Variants in PRND observed in about 807,000 individuals in gnomAD.
PRND encodes the protein prion like protein doppel.
For synonymous variants in PRND, 94 were observed against 93.2 expected, an observed-to-expected ratio of 1.01 and a Z score of -0.05; for missense variants, 227 against 223.3, an observed-to-expected ratio of 1.02 and a Z score of -0.11.
rs576011896 is a variant in PRND, at chr20:4,721,952, A to C, written c.-29A>C. The C allele has an allele frequency of 1.1e-4, 16 of 152,168 alleles. No individual in the cohort carries two copies. The highest frequency in any genetic ancestry group is 2.6e-4 in the Admixed American group (4 of 15,262). 9.4% of individuals were successfully genotyped at this position (152,168 alleles called of 1,614,324 possible). On this transcript the variant is annotated 5_prime_UTR_variant, in exon 1 of 2. Coordinates refer to ENST00000305817, the MANE Select transcript of PRND (RefSeq NM_012409.4). ...GTGCAGCTCGAGGCTCCAGAGGCAC[A>C]CTCCAGAGAGAGCCAAGGTACGTGG...
Position 4,727,803 on chromosome 20 carries a change from T to TTTTTTTTTTTTTTTTTTTG in PRND, c.*2721_*2722insTTTTTTTTTTTTTTTTTTG, listed in dbSNP as rs1601040968. ...ACTCATTTTTCTATACTTTTTTTTT[T>TTTTTTTTTTTTTTTTTTTG]GAGGCAGAGTCTCATTCTGTTGCCC... is the stretch of plus-strand genomic sequence containing the variant. On this transcript the variant is annotated 3_prime_UTR_variant, in exon 2 of 2. Transcript: ENST00000305817. 1 of 165,158 alleles carries TTTTTTTTTTTTTTTTTTTG rather than the reference T, an allele frequency of 6.1e-6. No individual in the cohort carries two copies. 10.2% of individuals were successfully genotyped at this position (165,158 alleles called of 1,614,324 possible).
In PRND at chr20:4,725,586, C is replaced by T. The variant is rs1395746734; in HGVS notation, c.*504C>T. Reference sequence around the variant, plus strand: ...TCACTTTATGTCTCACAGGGACCCACATCCAAACATGTATCTCTAATGAAA... The same window carrying T: ...TCACTTTATGTCTCACAGGGACCCATATCCAAACATGTATCTCTAATGAAA... On this transcript the variant is annotated 3_prime_UTR_variant, in exon 2 of 2. Coordinates refer to ENST00000305817, the MANE Select transcript of PRND (RefSeq NM_012409.4). 3 of 171,010 alleles carry T rather than the reference C, an allele frequency of 1.8e-5. No individual in the cohort carries two copies. Among genetic ancestry groups the T allele is most frequent in the African/African-American group, 4.8e-5 (2 of 41,430 alleles). 10.6% of individuals were successfully genotyped at this position (171,010 alleles called of 1,614,324 possible).
intron 1 of PRND, among the ~76,000 whole-genome samples, chr20:4,723,124 G>C (rs1379343207): frequency 6.6e-6 from 1 of 152,220 alleles, no homozygotes; most frequent in Non-Finnish European, 1.5e-5. Context: ...GAAAAGCACA[G>C]TGTGTGAGCA....
Sources: gnomAD v4.1 joint callset for allele counts (sites outside exome capture counted in the v4.1 genomes callset) on GRCh38, gnomAD v4.1.1 for gene constraint, MANE v1.5 for transcripts, NCBI Gene and HGNC (gene_info 2026-07-23, HGNC 2026-07-21) for gene names.